The following RGPD2 variants were observed in gnomAD, a reference collection of about 807,000 sequenced individuals.
The protein encoded by RGPD2 is RANBP2 like and GRIP domain containing 2.
In RGPD2, 2 loss-of-function variants were observed where a neutral mutation model predicts 36.0. The ratio of observed to expected loss-of-function variants is 0.06; its 90% confidence interval spans 0.02 to 0.17. The LOEUF is 0.17. RGPD2 is among the 10% of genes least tolerant of loss of function. RGPD2 has a pLI of 1.00. For missense variants in RGPD2, 40 were observed against 464.3 expected (o/e 0.09, Z 8.40); for synonymous variants, 19 against 163.8 (o/e 0.12, Z 6.75).
At chr2:87,844,589 G>A in the RGPD2 span, among the ~76,000 whole-genome samples, 9 of 150,796 alleles carry the variant, frequency 6.0e-5, no homozygotes, top group African/African-American at 1.2e-4. Context: ...TTTATGTTTC[G>A]AAATTAATAA....
intron 6 of RGPD2, among the ~76,000 whole-genome samples, chr2:87,807,394 T>G (rs1279988441): frequency 2.3e-5 from 3 of 132,876 alleles, no homozygotes; most frequent in South Asian, 4.7e-4. Context: ...TTTTTTTTTT[T>G]TTTTTTTTTT....
chr2:87,799,367 CA>C (rs1183710299), intron 8 of RGPD2, among the ~76,000 whole-genome samples: 49 of 10,160 alleles, frequency 4.8e-3, no homozygotes, highest in Admixed American at 9.3e-3. Context: ...GACTCCGTCT[CA>C]AAAAAAAAAA....
the RGPD2 span, among the ~76,000 whole-genome samples, chr2:87,834,333 T>C: frequency 6.6e-6 from 1 of 152,006 alleles, no homozygotes; most frequent in African/African-American, 2.4e-5. Context: ...AAGTCAAAAT[T>C]GTAATGAAAG....
the RGPD2 span, chr2:87,972,712 G>A: frequency 1.9e-5 from 31 of 1,606,192 alleles, no homozygotes; most frequent in South Asian, 8.8e-5. Flanking sequence ...CACTTCGGGC[G>A]CCGCAACAGC....
the RGPD2 span, among the ~76,000 whole-genome samples, chr2:87,858,194 C>T: frequency 2.0e-5 from 3 of 151,984 alleles, no homozygotes; most frequent in South Asian, 4.2e-4. Flanking sequence ...AGGAGAATTG[C>T]TTGAACCTGG....
chr2:87,886,348 TCTA>T, the RGPD2 span, among the ~76,000 whole-genome samples: 1 of 151,690 alleles, frequency 6.6e-6, no homozygotes, highest in East Asian at 1.9e-4. Flanking sequence ...ATCTTCCTTT[TCTA>T]CTTTACTATT....
chr2:87,939,928 C>T, the RGPD2 span, among the ~76,000 whole-genome samples: 1 of 152,082 alleles, frequency 6.6e-6, no homozygotes, highest in Non-Finnish European at 1.5e-5. Flanking sequence ...ACCTACTTAA[C>T]TTCTCCCTAA....
At chr2:87,820,147 A>AG (rs1206690980) in intron 1 of RGPD2, among the ~76,000 whole-genome samples, 2 of 57,300 alleles carry the variant, frequency 3.5e-5, no homozygotes, top group Non-Finnish European at 6.6e-5. Flanking sequence ...AAAAAAAAAA[A>AG]AAAAAGCTGA....
At chr2:87,973,334 C>A in the RGPD2 span, among the ~76,000 whole-genome samples, 4 of 124,372 alleles carry the variant, frequency 3.2e-5, no homozygotes, top group South Asian at 2.8e-4. Flanking sequence ...TGTCCTGCCT[C>A]CGGTGAGGGT....
At chr2:87,813,084 C>A (rs1283780167) in intron 4 of RGPD2, among the ~76,000 whole-genome samples, 1 of 152,216 alleles carries the variant, frequency 6.6e-6, no homozygotes, top group Non-Finnish European at 1.5e-5. Flanking sequence ...CACCACATGA[C>A]AAGTTCCCTT....
At chr2:87,769,427 G>C (rs1325690787) in intron 22 of RGPD2, among the ~76,000 whole-genome samples, 33 of 151,180 alleles carry the variant, frequency 2.2e-4, no homozygotes, top group Non-Finnish European at 4.6e-4. Context: ...GTGTTTTCCT[G>C]TCTGTTTACA....
At chr2:87,958,051 TTTC>T in the RGPD2 span, among the ~76,000 whole-genome samples, 8 of 152,152 alleles carry the variant, frequency 5.3e-5, no homozygotes, top group African/African-American at 1.9e-4. Flanking sequence ...TTTAGACATT[TTTC>T]TTCTTGAGTT....
At chr2:87,836,748 A>G in the RGPD2 span, among the ~76,000 whole-genome samples, 1 of 152,018 alleles carries the variant, frequency 6.6e-6, no homozygotes, top group East Asian at 1.9e-4. Flanking sequence ...TTAACATCCA[A>G]TGAAAATGGC....
At chr2:87,915,287 T>TATTATATATATTGTATAC in the RGPD2 span, among the ~76,000 whole-genome samples, 1 of 137,964 alleles carries the variant, frequency 7.2e-6, no homozygotes, top group African/African-American at 3.0e-5. Flanking sequence ...TATATATATA[T>TATTATATATATTGTATAC]ATGTATATTA....
chr2:87,985,816 G>T, the RGPD2 span: 2 of 1,611,352 alleles, frequency 1.2e-6, no homozygotes, highest in South Asian at 2.2e-5. Context: ...TGATAACTGG[G>T]TCCTACTGGA....
the RGPD2 span, among the ~76,000 whole-genome samples, chr2:87,937,831 C>T: frequency 6.6e-6 from 1 of 151,858 alleles, no homozygotes; most frequent in Admixed American, 6.6e-5. Context: ...AAACTCAGGG[C>T]AAAGAGTATT....
rs1434455725 is a variant in RGPD2, at chr2:87,813,774, C to T, written c.403-1568G>A. 5.5e-5 allele frequency among the ~76,000 whole-genome samples: 7 copies of T among 126,520 alleles called. No homozygotes were observed. In the Admixed American group the frequency reaches 5.9e-4, roughly 11 times the overall value. The allele number at this position is 126,520 out of a possible 152,430, so 83.0% of individuals were successfully genotyped here. On this transcript the variant is annotated intron_variant, in intron 4 of 22. Transcript: ENST00000398146. The stretch of plus-strand genomic sequence containing the variant: ...AAAAAGCCTTCTCAACAGTAATACT[C>T]TCATTCATTAAACAAATGTCAGAAA...
chr2:87,937,255 T>C, the RGPD2 span, among the ~76,000 whole-genome samples: 1 of 151,876 alleles, frequency 6.6e-6, no homozygotes, highest in African/African-American at 2.4e-5. Context: ...AATAAGCACA[T>C]ATTTGCAAAG....
At chr2:87,858,175 G>A in the RGPD2 span, among the ~76,000 whole-genome samples, 1 of 152,070 alleles carries the variant, frequency 6.6e-6, no homozygotes, top group Non-Finnish European at 1.5e-5. Context: ...CTACTTGGGA[G>A]GCTGAGGCAG....
Sources: allele counts gnomAD v4.1 joint callset (sites outside exome capture counted in the v4.1 genomes callset), GRCh38; gene constraint gnomAD v4.1.1; transcripts MANE v1.5; gene names NCBI Gene and HGNC (gene_info 2026-07-23, HGNC 2026-07-21).